The following ADAMTS16 variants were observed in gnomAD, a reference collection of about 807,000 sequenced individuals.
ADAMTS16 encodes A disintegrin and metalloproteinase with thrombospondin motifs 16.
A neutral mutation model predicts 145.8 loss-of-function variants in ADAMTS16; 94 were observed. The ratio of observed to expected loss-of-function variants is 0.64; its 90% confidence interval spans 0.55 to 0.77. ADAMTS16 has a LOEUF of 0.77. Among genes scored for constraint, ADAMTS16 ranks in the 30% least tolerant of loss-of-function variants. The pLI is 0.00. For synonymous variants in ADAMTS16, 659 were observed against 604.3 expected, an observed-to-expected ratio of 1.09 and a Z score of -1.33; for missense variants, 1,585 against 1,591.5, an observed-to-expected ratio of 1.00 and a Z score of 0.07.
At chr5:5,285,102 C>A (rs1287881043) in intron 18 of ADAMTS16, among the ~76,000 whole-genome samples, 2 of 152,122 alleles carry the variant, frequency 1.3e-5, no homozygotes, top group African/African-American at 4.8e-5. Flanking sequence ...CCCAAAATGA[C>A]CACCATGATG....
intron 21 of ADAMTS16, among the ~76,000 whole-genome samples, chr5:5,314,187 G>GGA (rs896343171): frequency 5.3e-5 from 8 of 152,114 alleles, no homozygotes; most frequent in South Asian, 2.1e-4. Flanking sequence ...CTCTAAGCTG[G>GGA]GAGAGAGAGA....
At chr5:5,275,310 G>T (rs1738645350) in intron 18 of ADAMTS16, among the ~76,000 whole-genome samples, 1 of 152,034 alleles carries the variant, frequency 6.6e-6, no homozygotes, top group Non-Finnish European at 1.5e-5. Context: ...ATCAAAGGAA[G>T]TTTTAAAGTT....
At chr5:5,177,187 G>A (rs552773141) in intron 3 of ADAMTS16, among the ~76,000 whole-genome samples, 4 of 152,336 alleles carry the variant, frequency 2.6e-5, no homozygotes, top group African/African-American at 9.6e-5. Context: ...GATGGATTAT[G>A]ATGATGGGAG....
chr5:5,246,006 C>T (rs1232664783), intron 17 of ADAMTS16, among the ~76,000 whole-genome samples: 1 of 152,134 alleles, frequency 6.6e-6, no homozygotes, highest in East Asian at 1.9e-4. Flanking sequence ...AGAATATTGC[C>T]CAGAACCAGT....
intron 10 of ADAMTS16, among the ~76,000 whole-genome samples, chr5:5,220,259 A>G (rs139982951): frequency 0.019 from 2,764 of 147,216 alleles, 90 homozygotes; most frequent in African/African-American, 0.064. Context: ...TTCCAGGTTC[A>G]CGCCATTCTC....
At chr5:5,215,430 T>C (rs1018030447) in intron 10 of ADAMTS16, among the ~76,000 whole-genome samples, 1 of 152,098 alleles carries the variant, frequency 6.6e-6, no homozygotes, top group Non-Finnish European at 1.5e-5. Context: ...GAGATTTTGG[T>C]GTACCCATCA....
chr5:5,202,118 C>A lies in ADAMTS16; in HGVS notation c.1451+1849C>A, dbSNP rs188544690. The stretch of plus-strand genomic sequence containing the variant: ...TGGGGCTGGATTGCCCCTATGGCTG[C>A]GTCTTCCTTCATTCTCTAGGGATCC... On this transcript the variant is annotated intron_variant, in intron 9 of 22. Coordinates refer to ENST00000274181, the MANE Select transcript of ADAMTS16 (RefSeq NM_139056.4). Among the ~76,000 whole-genome samples, 4 of 152,198 alleles carry A rather than the reference C, an allele frequency of 2.6e-5. No homozygotes were observed. In the East Asian group the frequency reaches 5.8e-4, roughly 22 times the overall value.
At chr5:5,146,006 T>G in intron 2 of ADAMTS16, 124 bp from the exon 3 acceptor site, 1 of 841,404 alleles carries the variant, frequency 1.2e-6, no homozygotes, top group South Asian at 1.8e-5. Flanking sequence ...GGTGTTGCAT[T>G]TTTCTTCATC....
In ADAMTS16 at chr5:5,204,856, G is replaced by C. The variant is rs377344936; in HGVS notation, c.1452-4237G>C. 1.1e-4 allele frequency among the ~76,000 whole-genome samples: 16 copies of C among 152,294 alleles called. No homozygotes were observed. In the South Asian group the frequency reaches 3.3e-3, roughly 32 times the overall value. ...TACTAATCAGCTTTCCTAAGTAGCT[G>C]TGTGAAGTTACACTCCCAGAAGCAT... On this transcript the variant is annotated intron_variant, in intron 9 of 22. Transcript: ENST00000274181.
chr5:5,288,404 C>G (rs1410248197), intron 18 of ADAMTS16, among the ~76,000 whole-genome samples: 2 of 152,088 alleles, frequency 1.3e-5, no homozygotes, highest in African/African-American at 4.8e-5. Flanking sequence ...CGGTGAGAGG[C>G]AGGAAAAGAT....
intron 18 of ADAMTS16, among the ~76,000 whole-genome samples, chr5:5,276,283 G>A (rs1738692394): frequency 2.0e-5 from 3 of 151,956 alleles, no homozygotes; most frequent in East Asian, 1.9e-4. Flanking sequence ...TCATCTTACC[G>A]TTTCATGTCT....
At chr5:5,195,766 A>T (rs1735783758) in intron 8 of ADAMTS16, among the ~76,000 whole-genome samples, 2 of 152,244 alleles carry the variant, frequency 1.3e-5, no homozygotes, top group Non-Finnish European at 2.9e-5. Context: ...CACAATTTGC[A>T]TTCTGAGAGC....
intron 18 of ADAMTS16, among the ~76,000 whole-genome samples, chr5:5,272,455 G>C (rs551952351): frequency 7.0e-6 from 1 of 143,726 alleles, no homozygotes. Flanking sequence ...GCCGCCTCCC[G>C]AGTTCACACC....
chr5:5,233,779 T>G (rs940971142), intron 12 of ADAMTS16, among the ~76,000 whole-genome samples: 5 of 152,222 alleles, frequency 3.3e-5, no homozygotes, highest in South Asian at 2.1e-4. Flanking sequence ...TCTTCGCTAT[T>G]GTGAAGGTGC....
At chr5:5,173,874 T>G (rs1036459174) in intron 3 of ADAMTS16, among the ~76,000 whole-genome samples, 1 of 152,228 alleles carries the variant, frequency 6.6e-6, no homozygotes, top group African/African-American at 2.4e-5. Context: ...TTTTAACTTT[T>G]TGTTGTTTTT....
Position 5,146,364 on chromosome 5 carries a change from A to G in ADAMTS16, c.410A>G (p.Gln137Arg), listed in dbSNP as rs766575634. 1.9e-6 allele frequency: 3 copies of G among 1,614,200 alleles called. No individual in the cohort carries two copies. The highest frequency in any genetic ancestry group is 2.5e-6 in the Non-Finnish European group (3 of 1,180,042). ...GGAAAGACAGGCACTAAGTCTGTGC[A>G]GACTTTACCGCCAGAGGACTTCTGT... is the stretch of plus-strand genomic sequence containing the variant. ...TLGKTGTKSV[Q>R]TLPPEDFCFY... Residue 137 changes from glutamine to arginine, a missense_variant, in exon 3 of 23, where the codon CAG becomes CGG. Transcript: ENST00000274181.
At chr5:5,220,843 T>G (rs1210367361) in intron 10 of ADAMTS16, among the ~76,000 whole-genome samples, 1 of 152,070 alleles carries the variant, frequency 6.6e-6, no homozygotes, top group African/African-American at 2.4e-5. Flanking sequence ...CAAACTCTAC[T>G]GGACCATTGT....
intron 2 of ADAMTS16, among the ~76,000 whole-genome samples, chr5:5,141,279 G>A (rs961533988): frequency 1.3e-5 from 2 of 152,156 alleles, no homozygotes; most frequent in African/African-American, 4.8e-5. Flanking sequence ...CAATCAGGGC[G>A]TACTTCAAAC....
intron 13 of ADAMTS16, 148 bp from the exon 14 acceptor site, chr5:5,236,821 G>C: frequency 1.0e-6 from 1 of 1,000,650 alleles, no homozygotes; most frequent in Middle Eastern, 3.4e-4. Flanking sequence ...ACATAATGAG[G>C]CAACCATTAA....
Sources: gnomAD v4.1 joint callset for allele counts (sites outside exome capture counted in the v4.1 genomes callset) on GRCh38, gnomAD v4.1.1 for gene constraint, MANE v1.5 for transcripts, NCBI Gene and HGNC (gene_info 2026-07-23, HGNC 2026-07-21) for gene names.